Variants in STARD9 observed in about 807,000 individuals in gnomAD.
The protein encoded by STARD9 is stAR-related lipid transfer protein 9.
Under a neutral mutation model 399.8 loss-of-function variants are expected in STARD9, and 346 were observed. That is an observed-to-expected ratio of 0.87 (90% CI 0.79 to 0.95). The LOEUF is 0.95. Ranked by LOEUF, STARD9 falls within the 40% of genes least tolerant of loss-of-function variation. STARD9 has a pLI of 0.00. For missense variants in STARD9, 5,832 were observed against 5,667.5 expected (o/e 1.03, Z -0.93); for synonymous variants, 2,203 against 2,143.5 (o/e 1.03, Z -0.77).
chr15:42,683,559 C>A (rs1414722273), intron 22 of STARD9, among the ~76,000 whole-genome samples: 2 of 152,142 alleles, frequency 1.3e-5, no homozygotes, highest in Non-Finnish European at 2.9e-5. Context: ...ATTCAAATTT[C>A]TCTGCTGCCC....
rs1413910783 is a variant in STARD9, at chr15:42,707,244, A to G, written c.13285-9433A>G. Among the ~76,000 whole-genome samples the G allele has an allele frequency of 2.0e-5, 3 of 152,212 alleles. No individual in the cohort carries two copies. In the East Asian group the frequency reaches 5.8e-4, roughly 29 times the overall value. On this transcript the variant is annotated intron_variant, in intron 26 of 32. Coordinates refer to ENST00000290607, the MANE Select transcript of STARD9 (RefSeq NM_020759.3). ...ACTTTGAGGATATTGGAACCATTAC[A>G]GGTTCCTATGACTCAGCAATGTTTG...
chr15:42,582,136 C>T (rs1245224801), intron 1 of STARD9, among the ~76,000 whole-genome samples: 1 of 152,162 alleles, frequency 6.6e-6, no homozygotes, highest in Non-Finnish European at 1.5e-5. Context: ...GAGATCCTGT[C>T]TCTAAATAAA....
chr15:42,608,045 T>C (rs2058772945), intron 3 of STARD9, among the ~76,000 whole-genome samples: 1 of 152,188 alleles, frequency 6.6e-6, no homozygotes, highest in Non-Finnish European at 1.5e-5. Flanking sequence ...TTTTTTTGCA[T>C]ACACTTTGGT....
chr15:42,658,642 C>A (rs1188440381), intron 9 of STARD9, among the ~76,000 whole-genome samples: 1 of 151,754 alleles, frequency 6.6e-6, no homozygotes, highest in African/African-American at 2.4e-5. Flanking sequence ...ATTACCATGC[C>A]TGGCTAATTT....
chr15:42,637,190 T>G (rs1193483407), intron 4 of STARD9, among the ~76,000 whole-genome samples: 2 of 152,068 alleles, frequency 1.3e-5, no homozygotes, highest in African/African-American at 4.8e-5. Flanking sequence ...TCTAAATGTG[T>G]TTTTTTGCTG....
At chr15:42,655,880 A>C (rs571070213) in intron 9 of STARD9, among the ~76,000 whole-genome samples, 2 of 152,304 alleles carry the variant, frequency 1.3e-5, no homozygotes, top group Admixed American at 1.3e-4. Flanking sequence ...ACAAATCAGC[A>C]AGAAAAAAAC....
In STARD9 at chr15:42,663,864, C is replaced by T; in HGVS notation, c.1123C>T (p.Leu375=). The part of the protein sequence containing the change: ...HTSYSETMST[L]RYASSAKNII... ...TAGCTACAGTGAGACCATGAGCACA[C>T]TGAGATATGCATCCAGTGCCAAAAA... The change falls in exon 13 of 33, where the codon CTG becomes TTG. Residue 375 remains leucine, a synonymous_variant. Transcript: ENST00000290607. 2 of 1,537,174 alleles carry T rather than the reference C, an allele frequency of 1.3e-6. No individual in the cohort carries two copies. The highest frequency in any genetic ancestry group is 1.7e-6 in the Non-Finnish European group (2 of 1,146,812).
At position 42,632,836 on chromosome 15, in the gene STARD9, T is replaced by C. The variant is rs1420506424; in HGVS notation, c.235-2020T>C. Among the ~76,000 whole-genome samples, 3 of 152,054 alleles carry C rather than the reference T, an allele frequency of 2.0e-5. No individual in the cohort carries two copies. The East Asian group carries it at 5.8e-4, about 29-fold the overall frequency. Reference sequence around the variant, plus strand: ...CAGCCTAGCTGACAGGATAAGACCATGTCTCAAGAAAAAAATAAATAAAGA... The same window carrying C: ...CAGCCTAGCTGACAGGATAAGACCACGTCTCAAGAAAAAAATAAATAAAGA... On this transcript the variant is annotated intron_variant, in intron 3 of 32. Transcript: ENST00000290607.
chr15:42,699,852 G>A (rs1210127934), intron 26 of STARD9, among the ~76,000 whole-genome samples: 7 of 151,820 alleles, frequency 4.6e-5, no homozygotes, highest in African/African-American at 7.3e-5. Context: ...AATTACAAGC[G>A]CCCACCACCA....
intron 3 of STARD9, among the ~76,000 whole-genome samples, chr15:42,597,639 C>T (rs145518872): frequency 2.6e-4 from 40 of 152,132 alleles, no homozygotes; most frequent in African/African-American, 9.6e-4. Flanking sequence ...TGAGTTCAAG[C>T]AATTCTCCGC....
intron 3 of STARD9, among the ~76,000 whole-genome samples, chr15:42,612,975 CTA>C (rs1256072220): frequency 1.7e-5 from 2 of 119,756 alleles, no homozygotes; most frequent in African/African-American, 3.2e-5. Context: ...CAGAGCGAGA[CTA>C]TGTCTCAGAG....
rs767580942 is a variant in STARD9 at position 42,686,547 on chromosome 15, A to G, written c.4969A>G (p.Ser1657Gly). 2.0e-6 allele frequency: 3 copies of G among 1,537,494 alleles called. No individual in the cohort carries two copies. Among genetic ancestry groups the G allele is most frequent in the African/African-American group, 1.4e-5 (1 of 73,044 alleles). The change falls in exon 23 of 33, where the codon AGT becomes GGT. Residue 1657 changes from serine to glycine, a missense_variant. Ser to Gly is a moderately conservative substitution (Grantham distance 56). Coordinates refer to ENST00000290607, the MANE Select transcript of STARD9 (RefSeq NM_020759.3). ...TTTTTTCCAGAAGAACGCTTGTCAC[A>G]GTAATGTCACTACAGCCACCAAAGC... ...EDFFQKNACHSNVTTATKADH... is the reference protein window; with the variant it reads ...EDFFQKNACHGNVTTATKADH...
intron 3 of STARD9, among the ~76,000 whole-genome samples, chr15:42,621,490 A>G (rs1296014091): frequency 1.3e-5 from 2 of 152,380 alleles, no homozygotes; most frequent in African/African-American, 4.8e-5. Flanking sequence ...CGATAGGTTC[A>G]GATACAGCCT....
In STARD9 at chr15:42,688,563, C is replaced by T; in HGVS notation, c.6985C>T (p.Gln2329Ter). ...AGAATTCTGTACAGCTCCTCTTCAC[C>T]AAGACCTGAGTAATACCTTGCCCTT... ...RTEFCTAPLH[Q>*]DLSNTLPLNS... The change falls in exon 23 of 33, where the codon CAA (glutamine) becomes TAA (stop). Residue 2329 changes from glutamine to a stop codon, truncating the protein, a stop_gained. Transcript: ENST00000290607. LOFTEE classifies it high-confidence loss of function. 6.5e-7 allele frequency: 1 copy of T among 1,537,772 alleles called. No homozygotes were observed. The highest frequency in any genetic ancestry group is 8.7e-7 in the Non-Finnish European group (1 of 1,147,048).
chr15:42,685,787 T>A lies in STARD9; in HGVS notation c.4209T>A (p.Thr1403=), dbSNP rs957001231. ...GCTCCAAACTGCACCAAGGCAGTAC[T>A]GAGCTCCTCTGCAGTGCAAGAGATG... ...PYSSKLHQGS[T]ELLCSARDEH... is the part of the protein sequence containing the mutation. The change falls in exon 23 of 33, where the codon ACT becomes ACA. Residue 1403 remains threonine (T), a synonymous_variant. Transcript: ENST00000290607. 18 of 1,537,212 alleles carry A rather than the reference T, an allele frequency of 1.2e-5. No homozygotes were observed. Among genetic ancestry groups the A allele is most frequent in the Middle Eastern group, 1.7e-4 (1 of 6,014 alleles).
chr15:42,707,130 GT>G, intron 26 of STARD9, among the ~76,000 whole-genome samples: 1 of 151,384 alleles, frequency 6.6e-6, no homozygotes, highest in East Asian at 1.9e-4. Flanking sequence ...CTTTTTCAAG[GT>G]TTATGAATAG....
chr15:42,704,514 C>T lies in STARD9; in HGVS notation c.13284+8634C>T, dbSNP rs142549145. On this transcript the variant is annotated intron_variant, in intron 26 of 32. Transcript: ENST00000290607. ...TTGTACCTGTCTTTCAGAGAGCCTT[C>T]CAGGAATTCAAAGGAGCCTGACTGT... 1.2e-3 allele frequency among the ~76,000 whole-genome samples: 189 copies of T among 152,264 alleles called. 2 individuals are homozygous for T. Among genetic ancestry groups the T allele is most frequent in the African/African-American group, 3.9e-3 (162 of 41,556 alleles).
At chr15:42,656,161 G>A (rs58071446) in intron 9 of STARD9, among the ~76,000 whole-genome samples, 1 of 151,850 alleles carries the variant, frequency 6.6e-6, no homozygotes, top group East Asian at 1.9e-4. Flanking sequence ...TTCAAGACCA[G>A]CCTGGCCCAC....
Position 42,674,936 on chromosome 15 carries a change from G to A in STARD9, c.1659G>A (p.Glu553=). Residue 553 remains glutamate (E), a synonymous_variant, in exon 18 of 33, where the codon GAG becomes GAA. Transcript: ENST00000290607. ...CCCGCTGTACAGTCAATGGCCGGGA[G>A]GTCACTGCCTCCTGCCGTCTGACTC... ...RGARCTVNGR[E]VTASCRLTQG... 4 of 1,536,450 alleles carry A rather than the reference G, an allele frequency of 2.6e-6. No individual in the cohort carries two copies. Among genetic ancestry groups the A allele is most frequent in the East Asian group, 2.4e-5 (1 of 40,896 alleles).
Sources: allele counts gnomAD v4.1 joint callset (sites outside exome capture counted in the v4.1 genomes callset), GRCh38; gene constraint gnomAD v4.1.1; transcripts MANE v1.5; gene names NCBI Gene and HGNC (gene_info 2026-07-23, HGNC 2026-07-21).